Variants in RPH3A observed in about 807,000 individuals in gnomAD.
The protein encoded by RPH3A is rabphilin-3A.
Under a neutral mutation model 102.2 loss-of-function variants are expected in RPH3A, and 48 were observed. That is an observed-to-expected ratio of 0.47 (90% CI 0.37 to 0.60). RPH3A has a LOEUF of 0.60. RPH3A is among the 20% of genes least tolerant of loss of function. The pLI, the probability that RPH3A is intolerant of heterozygous loss-of-function variation, is 0.00. For missense variants in RPH3A, 781 were observed against 910.1 expected, an observed-to-expected ratio of 0.86 and a Z score of 1.83; for synonymous variants, 310 against 324.3, an observed-to-expected ratio of 0.96 and a Z score of 0.47.
chr12:112,621,116 T>G (rs2039719583), intron 1 of RPH3A, among the ~76,000 whole-genome samples: 1 of 152,042 alleles, frequency 6.6e-6, no homozygotes, highest in African/African-American at 2.4e-5. Context: ...GCCTTGGGAC[T>G]ATAGACATGA....
rs200779266 is a variant in RPH3A, at chr12:112,887,913, G to T, written c.1553G>T (p.Arg518Leu). The T allele has an allele frequency of 1.2e-6, 2 of 1,613,524 alleles. No individual in the cohort carries two copies. Among genetic ancestry groups the T allele is most frequent in the Non-Finnish European group, 1.7e-6 (2 of 1,179,542 alleles). ...QRKNFNICLE[R>L]VIPMKRAGTT... The stretch of plus-strand genomic sequence containing the variant: ...AAGAATTTCAACATCTGCCTGGAGC[G>T]AGTGATTCCTGTGAGTGACTTTACC... The change falls in exon 17 of 22, where the codon CGA (arginine) becomes CTA (leucine). Residue 518 changes from arginine (R) to leucine (L), a missense_variant. Arg to Leu is a moderately radical substitution (Grantham distance 102, BLOSUM62 -2). Coordinates refer to ENST00000389385, the MANE Select transcript of RPH3A (RefSeq NM_001143854.2).
chr12:112,660,894 T>C (rs940616277), intron 1 of RPH3A, among the ~76,000 whole-genome samples: 12 of 152,086 alleles, frequency 7.9e-5, no homozygotes, highest in African/African-American at 2.9e-4. Flanking sequence ...TAGATTCTCA[T>C]GGGATCTGAC....
intron 1 of RPH3A, among the ~76,000 whole-genome samples, chr12:112,705,046 C>G (rs1260523207): frequency 1.3e-5 from 2 of 152,150 alleles, no homozygotes; most frequent in Admixed American, 6.5e-5. Context: ...TATGGAGGCT[C>G]TATGTGGTGA....
chr12:112,661,459 G>A (rs972347865), intron 1 of RPH3A, among the ~76,000 whole-genome samples: 1 of 152,164 alleles, frequency 6.6e-6, no homozygotes, highest in African/African-American at 2.4e-5. Context: ...TTTGTGTAGA[G>A]GACCTAGCAG....
At chr12:112,576,895 TTTTTC>T (rs1415432084) in intron 1 of RPH3A, among the ~76,000 whole-genome samples, 1 of 141,448 alleles carries the variant, frequency 7.1e-6, no homozygotes, top group African/African-American at 2.8e-5. Flanking sequence ...TCTTTTCTTT[TTTTTC>T]TTTTCTTCCT....
chr12:112,861,045 CCAAA>C (rs1194139366), intron 5 of RPH3A, among the ~76,000 whole-genome samples: 1 of 152,108 alleles, frequency 6.6e-6, no homozygotes, highest in Admixed American at 6.5e-5. Context: ...ATTCAACAGT[CCAAA>C]CAAACAAAAG....
chr12:112,654,901 G>A (rs2135999436), intron 1 of RPH3A, among the ~76,000 whole-genome samples: 1 of 152,310 alleles, frequency 6.6e-6, no homozygotes, highest in African/African-American at 2.4e-5. Context: ...TCAACACTAA[G>A]CAAAATCGTG....
intron 2 of RPH3A, among the ~76,000 whole-genome samples, chr12:112,827,911 A>G (rs983825833): frequency 1.5e-3 from 19 of 13,062 alleles, no homozygotes; most frequent in Admixed American, 2.8e-3. Context: ...AAAAAAGGGA[A>G]AAAAAAAAGG....
At chr12:112,661,216 G>C (rs2040046736) in intron 1 of RPH3A, among the ~76,000 whole-genome samples, 1 of 152,194 alleles carries the variant, frequency 6.6e-6, no homozygotes, top group African/African-American at 2.4e-5. Flanking sequence ...AGCAGGATGA[G>C]ATCTTGGGTG....
At chr12:112,672,843 G>A (rs1402363248) in intron 1 of RPH3A, among the ~76,000 whole-genome samples, 8 of 152,156 alleles carry the variant, frequency 5.3e-5, no homozygotes, top group Non-Finnish European at 2.9e-5. Context: ...GCCTCCCAGC[G>A]CAGGTGCATG....
At chr12:112,796,688 T>C (rs531026197) in intron 2 of RPH3A, among the ~76,000 whole-genome samples, 9 of 152,374 alleles carry the variant, frequency 5.9e-5, no homozygotes, top group Admixed American at 3.3e-4. Context: ...TATCATGCAT[T>C]GCACATTTAT....
intron 1 of RPH3A, among the ~76,000 whole-genome samples, chr12:112,637,244 C>A (rs919346371): frequency 2.0e-5 from 3 of 152,084 alleles, no homozygotes; most frequent in Non-Finnish European, 4.4e-5. Context: ...CAGCATAATC[C>A]TCCCCAATGT....
Position 112,794,714 on chromosome 12 carries a change from C to A in RPH3A, c.-19+2451C>A, listed in dbSNP as rs148343291. On this transcript the variant is annotated intron_variant, in intron 2 of 21. Coordinates refer to ENST00000389385, the MANE Select transcript of RPH3A (RefSeq NM_001143854.2). The stretch of plus-strand genomic sequence containing the variant: ...GTTCAGGACCTCTGATTTAGTCTAA[C>A]CCTTTCCAGGGGGGCCCAGAGAGGA... Among the ~76,000 whole-genome samples, 450 of 152,264 alleles carry A rather than the reference C, an allele frequency of 3.0e-3. 1 individual carries two copies. The highest frequency in any genetic ancestry group is 9.4e-3 in the African/African-American group (392 of 41,536).
chr12:112,604,155 A>C (rs1347849868), intron 1 of RPH3A, among the ~76,000 whole-genome samples: 3 of 152,168 alleles, frequency 2.0e-5, no homozygotes, highest in African/African-American at 7.2e-5. Flanking sequence ...ACAGCTGGTA[A>C]AGTGGCAGAG....
chr12:112,698,673 A>G (rs1449782449), intron 1 of RPH3A, among the ~76,000 whole-genome samples: 1 of 152,256 alleles, frequency 6.6e-6, no homozygotes, highest in Non-Finnish European at 1.5e-5. Context: ...TAAGTGACAT[A>G]TATTCCCACT....
chr12:112,716,678 G>A (rs561376818), intron 1 of RPH3A, among the ~76,000 whole-genome samples: 62 of 152,348 alleles, frequency 4.1e-4, no homozygotes, highest in Non-Finnish European at 7.5e-4. Flanking sequence ...CCTAAGTGGA[G>A]GCTGGGAAAT....
At chr12:112,798,227 T>C (rs2041272445) in intron 2 of RPH3A, among the ~76,000 whole-genome samples, 1 of 152,188 alleles carries the variant, frequency 6.6e-6, no homozygotes, top group Non-Finnish European at 1.5e-5. Flanking sequence ...CTCAGGAAGC[T>C]GGGTTTTTTA....
At chr12:112,738,798 T>C (rs576171839) in intron 1 of RPH3A, among the ~76,000 whole-genome samples, 5 of 152,324 alleles carry the variant, frequency 3.3e-5, no homozygotes, top group East Asian at 1.9e-4. Flanking sequence ...TTCATAATCC[T>C]AATTGTGGCT....
intron 1 of RPH3A, among the ~76,000 whole-genome samples, chr12:112,763,401 C>T (rs1324584966): frequency 6.6e-6 from 1 of 152,200 alleles, no homozygotes; most frequent in Non-Finnish European, 1.5e-5. Flanking sequence ...TGGCTTTATA[C>T]ATTTTAGGGA....
Sources: gnomAD v4.1 joint callset for allele counts (sites outside exome capture counted in the v4.1 genomes callset) on GRCh38, gnomAD v4.1.1 for gene constraint, MANE v1.5 for transcripts, NCBI Gene and HGNC (gene_info 2026-07-23, HGNC 2026-07-21) for gene names.